The following ZDHHC15 variants were observed in gnomAD, a reference collection of about 807,000 sequenced individuals.
ZDHHC15 encodes palmitoyltransferase ZDHHC15.
In ZDHHC15, 19 loss-of-function variants were observed where a neutral mutation model predicts 31.7. The ratio of observed to expected loss-of-function variants is 0.60; its 90% CI spans 0.42 to 0.88. The LOEUF (loss-of-function observed/expected upper bound fraction) is 0.88, where lower values mean the gene tolerates loss of function less well. Ranked by LOEUF, ZDHHC15 falls within the 40% of genes least tolerant of loss-of-function variation. The pLI is 0.00. For missense variants in ZDHHC15, 209 were observed against 251.2 expected (o/e 0.83, Z 1.14); for synonymous variants, 103 against 90.0 (o/e 1.14, Z -0.82).
At chrX:75,379,023 A>C (rs1602536211) in intron 11 of ZDHHC15, 97 bp downstream of exon 11, 1 of 631,799 alleles carries the variant, frequency 1.6e-6, no homozygotes, top group East Asian at 3.4e-5. Context: ...AATCTTTTTC[A>C]CCCAGGATAA....
intron 3 of ZDHHC15, among the ~76,000 whole-genome samples, chrX:75,451,677 C>T (rs769272013): frequency 9.8e-5 from 11 of 111,993 alleles, no homozygotes; most frequent in Non-Finnish European, 1.7e-4. Context: ...TTTGCAAAAT[C>T]AGACATTCTC....
At chrX:75,509,839 G>T (rs938377498) in intron 1 of ZDHHC15, among the ~76,000 whole-genome samples, 3 of 112,232 alleles carry the variant, frequency 2.7e-5, no homozygotes, top group Non-Finnish European at 5.6e-5. Context: ...GTTTAGTGAG[G>T]TTACATTTTA....
At chrX:75,464,263 C>T (rs902868372) in intron 3 of ZDHHC15, among the ~76,000 whole-genome samples, 7 of 110,132 alleles carry the variant, frequency 6.4e-5, no homozygotes, top group African/African-American at 1.3e-4. Context: ...GGAAGGGGAA[C>T]GTCACACACC....
intron 4 of ZDHHC15, among the ~76,000 whole-genome samples, chrX:75,445,911 A>G (rs2084027594): frequency 9.0e-6 from 1 of 111,319 alleles, no homozygotes; most frequent in African/African-American, 3.3e-5. Context: ...TGAAGGGATC[A>G]ACGCTGCGTT....
chrX:75,486,129 C>T (rs1212669569), intron 2 of ZDHHC15, among the ~76,000 whole-genome samples: 1 of 112,537 alleles, frequency 8.9e-6, no homozygotes, highest in African/African-American at 3.2e-5. Context: ...AAGTATGACA[C>T]AGAGAAAAGT....
At chrX:75,399,238 C>T (rs946693525) in intron 10 of ZDHHC15, among the ~76,000 whole-genome samples, 3 of 111,669 alleles carry the variant, frequency 2.7e-5, no homozygotes, top group African/African-American at 9.8e-5. Context: ...TAAGCTAGTA[C>T]CAACTCAGCA....
chrX:75,484,246 A>G (rs1366700919), intron 2 of ZDHHC15, among the ~76,000 whole-genome samples: 1 of 111,667 alleles, frequency 9.0e-6, no homozygotes, highest in East Asian at 2.8e-4. Context: ...TCAAGTATAT[A>G]TATACCTCCT....
At position 75,379,140 on chromosome X, in the gene ZDHHC15, A is replaced by G. The variant is rs759527530; in HGVS notation, c.*12T>C. On this transcript the variant is annotated 3_prime_UTR_variant, in exon 11 of 12. Transcript: ENST00000373367. ...CTGACCTGTCTGAGAGATGCAGGAA[A>G]TGTGAAAACTGCTATGTTTCCGTTT... 135 of 1,209,136 alleles carry G rather than the reference A, an allele frequency of 1.1e-4. No individual in the cohort carries two copies. Among genetic ancestry groups the G allele is most frequent in the Non-Finnish European group, 1.5e-4 (134 of 894,401 alleles).
At position 75,490,590 on chromosome X, in the gene ZDHHC15, A is replaced by C. The variant is rs141204367; in HGVS notation, c.164-11605T>G. ...TATAAATTACCTTGGGCAGTATGGCAATTTTCATGATACTGATTCGTCCTC... is the reference window on the plus strand; with the variant it reads ...TATAAATTACCTTGGGCAGTATGGCCATTTTCATGATACTGATTCGTCCTC... On this transcript the variant is annotated intron_variant, in intron 2 of 11. Transcript: ENST00000373367. Among the ~76,000 whole-genome samples, 389 of 111,707 alleles carry C rather than the reference A, an allele frequency of 3.5e-3. 4 individuals are homozygous for C. The highest frequency in any genetic ancestry group is 0.012 in the African/African-American group (371 of 30,736).
chrX:75,504,970 T>C (rs779442350), intron 2 of ZDHHC15, among the ~76,000 whole-genome samples: 1 of 111,298 alleles, frequency 9.0e-6, no homozygotes, highest in Admixed American at 9.6e-5. Context: ...TATACATGAA[T>C]AAAATGAACA....
chrX:75,484,882 C>T (rs1174227336), intron 2 of ZDHHC15, among the ~76,000 whole-genome samples: 5 of 111,857 alleles, frequency 4.5e-5, no homozygotes, highest in African/African-American at 1.6e-4. Context: ...TACTTCTCCG[C>T]AATAAAAACA....
intron 11 of ZDHHC15, among the ~76,000 whole-genome samples, chrX:75,375,029 T>C (rs2083045172): frequency 9.0e-6 from 1 of 111,505 alleles, no homozygotes; most frequent in Non-Finnish European, 1.9e-5. Flanking sequence ...AGATTGTATA[T>C]TATAAAAGTA....
At chrX:75,495,848 G>T (rs1021518143) in intron 2 of ZDHHC15, among the ~76,000 whole-genome samples, 11 of 106,507 alleles carry the variant, frequency 1.0e-4, no homozygotes, top group African/African-American at 1.4e-4. Context: ...GATTTAATGG[G>T]TGCAGCACAC....
At chrX:75,421,413 T>TATATATATAATATATATTATATA (rs2083633388) in intron 9 of ZDHHC15, among the ~76,000 whole-genome samples, 1 of 9,087 alleles carries the variant, frequency 1.1e-4, no homozygotes, top group African/African-American at 1.7e-4. Context: ...ATATATATAA[T>TATATATATAATATATATTATATA]ATATATATAA....
chrX:75,456,210 C>G (rs1034805963), intron 3 of ZDHHC15, among the ~76,000 whole-genome samples: 2 of 110,797 alleles, frequency 1.8e-5, no homozygotes, highest in Non-Finnish European at 3.8e-5. Context: ...GTAGCAACAT[C>G]GATGAAGCTG....
intron 11 of ZDHHC15, among the ~76,000 whole-genome samples, chrX:75,375,949 T>C (rs2083054823): frequency 8.9e-6 from 1 of 111,961 alleles, no homozygotes; most frequent in South Asian, 3.7e-4. Flanking sequence ...CTGGGTGGCA[T>C]GGCAGTTCTA....
At position 75,516,274 on chromosome X, in the gene ZDHHC15, C is replaced by A. The variant is rs1230727243; in HGVS notation, c.136+6615G>T. The stretch of plus-strand genomic sequence containing the variant: ...GGAACCAAAAAAAGAGCCTGCATTG[C>A]CAAGACAATCCTAAGCCAAAAGAAC... On this transcript the variant is annotated intron_variant, in intron 1 of 11. Coordinates refer to ENST00000373367, the MANE Select transcript of ZDHHC15 (RefSeq NM_144969.3). Among the ~76,000 whole-genome samples the A allele has an allele frequency of 4.5e-5, 5 of 111,964 alleles. No individual in the cohort carries two copies. In the East Asian group the frequency reaches 1.4e-3, roughly 31 times the overall value.
chrX:75,511,655 G>A (rs1158046460), intron 1 of ZDHHC15, among the ~76,000 whole-genome samples: 1 of 106,448 alleles, frequency 9.4e-6, no homozygotes, highest in Admixed American at 1.0e-4. Context: ...CCTTGCCCAC[G>A]CCTATGAAGA....
intron 3 of ZDHHC15, among the ~76,000 whole-genome samples, chrX:75,466,178 AAAAC>A (rs1371714163): frequency 8.9e-6 from 1 of 112,430 alleles, no homozygotes; most frequent in Non-Finnish European, 1.9e-5. Flanking sequence ...AGATGTGGCC[AAAAC>A]AAACATGTAA....
Sources: gnomAD v4.1 joint callset for allele counts (sites outside exome capture counted in the v4.1 genomes callset) on GRCh38, gnomAD v4.1.1 for gene constraint, MANE v1.5 for transcripts, NCBI Gene and HGNC (gene_info 2026-07-23, HGNC 2026-07-21) for gene names.